FGD6: variants seen among roughly 807,000 people sequenced by gnomAD.
FGD6 encodes the protein FYVE, RhoGEF and PH domain containing 6.
A neutral mutation model predicts 149.4 loss-of-function variants in FGD6; 90 were observed. The ratio of observed to expected loss-of-function variants is 0.60; its 90% CI spans 0.51 to 0.72. The LOEUF is 0.72. Ranked by LOEUF, FGD6 falls within the 30% of genes least tolerant of loss-of-function variation. The probability of loss-of-function intolerance (pLI) is 0.00; values close to 1 mark genes in which losing one functional copy is unlikely to be tolerated. For missense variants in FGD6, 1,437 were observed against 1,684.8 expected (o/e 0.85, Z 2.57); for synonymous variants, 527 against 584.0 (o/e 0.90, Z 1.41).
At chr12:95,186,521 G>GA (rs57464025) in intron 2 of FGD6, among the ~76,000 whole-genome samples, 103,848 of 136,224 alleles carry the variant, frequency 0.76, 39,332 homozygotes, top group South Asian at 0.86. Flanking sequence ...CTTAAATCAT[G>GA]AAAAAAAAAA....
At chr12:95,189,429 C>T (rs926566290) in intron 2 of FGD6, 1 of 152,304 alleles carries the variant, frequency 6.6e-6, no homozygotes, top group Non-Finnish European at 1.5e-5. Context: ...GGGAGGATCG[C>T]TTGAGCCCAG....
rs1291001204 is a variant in FGD6, at chr12:95,078,692, C to T, written c.*2828G>A. The T allele has an allele frequency of 6.6e-6, 1 of 152,138 alleles. No individual in the cohort carries two copies. The highest frequency in any genetic ancestry group is 1.5e-5 in the Non-Finnish European group (1 of 68,030). The allele number at this position is 152,138 out of a possible 1,614,324, so 9.4% of individuals were successfully genotyped here. ...AAAGAGTCGGAAATGTGGATGATGC[C>T]AGAGATAATTACTCTCATTTTCTTA... On this transcript the variant is annotated 3_prime_UTR_variant, in exon 21 of 21. Transcript: ENST00000343958.
chr12:95,110,879 C>T (rs774295127), intron 9 of FGD6, among the ~76,000 whole-genome samples: 11 of 152,120 alleles, frequency 7.2e-5, no homozygotes, highest in African/African-American at 2.7e-4. Context: ...CACGTCATCC[C>T]GTTAAGAGGC....
At chr12:95,206,224 TAA>T (rs927939991) in intron 2 of FGD6, among the ~76,000 whole-genome samples, 1 of 149,996 alleles carries the variant, frequency 6.7e-6, no homozygotes, top group Non-Finnish European at 1.5e-5. Flanking sequence ...ATAAAGTGAT[TAA>T]AAAAAAAATT....
At position 95,080,506 on chromosome 12, in the gene FGD6, G is replaced by A. The variant is rs1293119221; in HGVS notation, c.*1014C>T. ...TTAGGAGGGAGGATATCACAAACTG[G>A]CAGAAAAAGACCTTTTGAAAATGAA... On this transcript the variant is annotated 3_prime_UTR_variant, in exon 21 of 21. Coordinates refer to ENST00000343958, the MANE Select transcript of FGD6 (RefSeq NM_018351.4). 1 of 151,568 alleles carries A rather than the reference G, an allele frequency of 6.6e-6. No homozygotes were observed. The highest frequency in any genetic ancestry group is 1.5e-5 in the Non-Finnish European group (1 of 67,924). 9.4% of individuals were successfully genotyped at this position (151,568 alleles called of 1,614,324 possible).
intron 8 of FGD6, among the ~76,000 whole-genome samples, chr12:95,118,408 T>A (rs1271466159): frequency 6.6e-6 from 1 of 151,846 alleles, no homozygotes; most frequent in Non-Finnish European, 1.5e-5. Flanking sequence ...ATACTATATC[T>A]TGTTGGAAAT....
chr12:95,116,765 C>T, intron 8 of FGD6: 1 of 452,276 alleles, frequency 2.2e-6, no homozygotes, highest in South Asian at 1.6e-5. Flanking sequence ...TCCATCCATC[C>T]ATCAACCCAT....
chr12:95,217,195 T>G, intron 1 of FGD6, 30 bp downstream of exon 1: 1 of 1,611,946 alleles, frequency 6.2e-7, no homozygotes, highest in Non-Finnish European at 8.5e-7. Context: ...CCACAAACTT[T>G]CCCGCGGCAG....
At chr12:95,131,191 A>C (rs1294303696) in intron 8 of FGD6, among the ~76,000 whole-genome samples, 2 of 149,108 alleles carry the variant, frequency 1.3e-5, no homozygotes, top group Non-Finnish European at 3.0e-5. Flanking sequence ...AGCTCACCAC[A>C]ACCTCTGCCT....
chr12:95,199,391 C>CA (rs1042441855), intron 2 of FGD6, among the ~76,000 whole-genome samples: 43 of 150,854 alleles, frequency 2.9e-4, no homozygotes, highest in East Asian at 2.1e-3. Flanking sequence ...GATTACACAA[C>CA]AAAAAAAAAT....
intron 8 of FGD6, among the ~76,000 whole-genome samples, chr12:95,118,158 C>T (rs143102385): frequency 1.2e-3 from 178 of 152,100 alleles, no homozygotes; most frequent in African/African-American, 3.9e-3. Flanking sequence ...TGAGACTAGC[C>T]TGGCCAATAT....
At position 95,141,369 on chromosome 12, in the gene FGD6, G is replaced by A; in HGVS notation, c.2837+19C>T. On this transcript the variant is annotated intron_variant, in intron 6 of 20. Transcript: ENST00000343958. ...AAAATTGGAAACACTAGGAAAATCT[G>A]AAAACGGTCCATTTTTACCAGTGCA... The A allele has an allele frequency of 6.2e-7, 1 of 1,609,662 alleles. No individual in the cohort carries two copies.
intron 8 of FGD6, among the ~76,000 whole-genome samples, chr12:95,122,645 CAAAAAA>C (rs397687285): frequency 1.4e-4 from 9 of 64,430 alleles, no homozygotes; most frequent in Non-Finnish European, 2.2e-4. Flanking sequence ...GACTCAGTCT[CAAAAAA>C]AAAAAAAAAA....
At chr12:95,193,889 T>C (rs906602721) in intron 2 of FGD6, among the ~76,000 whole-genome samples, 5 of 151,880 alleles carry the variant, frequency 3.3e-5, no homozygotes, top group Non-Finnish European at 7.4e-5. Flanking sequence ...ATTCTATATT[T>C]TTATTATTTT....
chr12:95,152,925 C>T lies in FGD6; in HGVS notation c.2654+1G>A, dbSNP rs1331535497. The T allele has an allele frequency of 1.3e-5, 21 of 1,613,842 alleles. No individual in the cohort carries two copies. Among genetic ancestry groups the T allele is most frequent in the Non-Finnish European group, 1.8e-5 (21 of 1,179,916 alleles). On this transcript the variant is annotated splice_donor_variant, in intron 4 of 20. Transcript: ENST00000343958. LOFTEE classifies it high-confidence loss of function. ...TTCTGAATTGTAAACTAGATACCTA[C>T]ACTTTCTCTGAGCTCATGATCTCCT...
chr12:95,127,522 C>T, intron 8 of FGD6, among the ~76,000 whole-genome samples: 1 of 152,182 alleles, frequency 6.6e-6, no homozygotes, highest in African/African-American at 2.4e-5. Context: ...CCAGCCTGGG[C>T]AACAGAGTTA....
intron 2 of FGD6, among the ~76,000 whole-genome samples, chr12:95,195,578 G>A (rs1388853433): frequency 1.3e-5 from 2 of 150,124 alleles, no homozygotes; most frequent in African/African-American, 4.9e-5. Flanking sequence ...CGCTATTTGT[G>A]GGTAGATTTT....
chr12:95,213,172 T>G (rs1039606631), intron 1 of FGD6, among the ~76,000 whole-genome samples: 6 of 152,222 alleles, frequency 3.9e-5, no homozygotes, highest in Non-Finnish European at 7.3e-5. Flanking sequence ...ATGAATGCCT[T>G]AGGCCTCTTC....
At chr12:95,175,049 A>G (rs1375631518) in intron 2 of FGD6, among the ~76,000 whole-genome samples, 2 of 152,096 alleles carry the variant, frequency 1.3e-5, no homozygotes, top group African/African-American at 4.8e-5. Context: ...AGGTGTTGCC[A>G]CATCCATTAG....
Sources: gnomAD v4.1 joint callset for allele counts (sites outside exome capture counted in the v4.1 genomes callset) on GRCh38, gnomAD v4.1.1 for gene constraint, MANE v1.5 for transcripts, NCBI Gene and HGNC (gene_info 2026-07-23, HGNC 2026-07-21) for gene names.